The following RAI14 variants were observed in gnomAD, a reference collection of about 807,000 sequenced individuals.
RAI14 encodes the protein retinoic acid induced 14.
A neutral mutation model predicts 115.4 loss-of-function variants in RAI14; 45 were observed. The observed-to-expected ratio is 0.39, with a 90% CI of 0.31 to 0.50. RAI14 has a LOEUF of 0.50. Among genes scored for constraint, RAI14 ranks in the 20% least tolerant of loss-of-function variants. RAI14 has a pLI of 0.85. For synonymous variants in RAI14, 371 were observed against 415.4 expected (o/e 0.89, Z 1.30); for missense variants, 939 against 1,131.2 (o/e 0.83, Z 2.44).
At chr5:34,807,142 G>A (rs756413807) in intron 5 of RAI14, among the ~76,000 whole-genome samples, 1 of 152,154 alleles carries the variant, frequency 6.6e-6, no homozygotes, top group Non-Finnish European at 1.5e-5. Context: ...ATTTCAGGTT[G>A]TGGGTGTGGA....
At chr5:34,786,344 G>T (rs1225624548) in intron 3 of RAI14, among the ~76,000 whole-genome samples, 1 of 152,146 alleles carries the variant, frequency 6.6e-6, no homozygotes, top group Non-Finnish European at 1.5e-5. Flanking sequence ...CAGTCACTGG[G>T]GCAACTACTT....
chr5:34,808,435 C>G, intron 6 of RAI14, 149 bp from the exon 7 acceptor site: 2 of 729,100 alleles, frequency 2.7e-6, no homozygotes, highest in Non-Finnish European at 2.3e-6. Flanking sequence ...TCACTCCTAA[C>G]CTTCCTAATA....
At chr5:34,716,803 A>C (rs1742060227) in intron 2 of RAI14, 1 of 152,080 alleles carries the variant, frequency 6.6e-6, no homozygotes. Flanking sequence ...TTCTTCTTTG[A>C]GAGGAAAGGG....
intron 2 of RAI14, among the ~76,000 whole-genome samples, chr5:34,727,564 G>C (rs1743625760): frequency 6.6e-6 from 1 of 152,188 alleles, no homozygotes; most frequent in Non-Finnish European, 1.5e-5. Context: ...TCCTGGGCCA[G>C]GCCTGGGGCC....
At chr5:34,731,195 T>A (rs556527120) in intron 2 of RAI14, among the ~76,000 whole-genome samples, 10 of 152,324 alleles carry the variant, frequency 6.6e-5, no homozygotes, top group African/African-American at 2.2e-4. Context: ...TGTGGATTTT[T>A]ATCCCCCTTC....
Position 34,823,544 on chromosome 5 carries a change from G to A in RAI14, c.1702G>A (p.Val568Met). ...EKLVEREKGT[V>M]IKPPVEEYEE... ...ACTGGTAGAGAGGGAGAAAGGTACA[G>A]TGATTAAGCCACCTGTGGAAGAGTA... The change falls in exon 15 of 18, where the codon GTG (valine) becomes ATG (methionine). Residue 568 changes from valine to methionine, a missense_variant. Physicochemically the swap from Val to Met is conservative, Grantham distance 21. Coordinates refer to ENST00000265109, the MANE Select transcript of RAI14 (RefSeq NM_015577.3). The surrounding 1 kb of genome is among the most constrained non-coding windows in gnomAD (Gnocchi z 4.5). 6.2e-7 allele frequency: 1 copy of A among 1,614,194 alleles called. No individual in the cohort carries two copies. The highest frequency in any genetic ancestry group is 8.5e-7 in the Non-Finnish European group (1 of 1,180,036).
intron 1 of RAI14, chr5:34,686,376 T>A (rs1744877054): frequency 6.6e-6 from 1 of 151,878 alleles, no homozygotes; most frequent in Non-Finnish European, 1.5e-5. Context: ...GATGGGGAGA[T>A]GTTGGTCAAA....
At chr5:34,794,869 C>T (rs906942334) in intron 3 of RAI14, among the ~76,000 whole-genome samples, 1 of 152,130 alleles carries the variant, frequency 6.6e-6, no homozygotes, top group Admixed American at 6.5e-5. Context: ...CCCTGGATTT[C>T]AATGATAGAT....
chr5:34,667,929 C>A (rs1743338438), intron 1 of RAI14, among the ~76,000 whole-genome samples: 1 of 152,202 alleles, frequency 6.6e-6, no homozygotes, highest in Admixed American at 6.5e-5. Flanking sequence ...CATCTCCTCC[C>A]ATGAAAGCTG....
At chr5:34,796,561 A>C (rs1212109499) in intron 4 of RAI14, among the ~76,000 whole-genome samples, 1 of 152,084 alleles carries the variant, frequency 6.6e-6, no homozygotes, top group South Asian at 2.1e-4. Flanking sequence ...TATGCTTCTT[A>C]TCCTCATTTT....
chr5:34,661,125 G>A lies in RAI14; in HGVS notation c.-49+4650G>A, dbSNP rs114157897. Among the ~76,000 whole-genome samples the A allele has an allele frequency of 3.4e-3, 525 of 152,240 alleles. 4 individuals carry two copies. The highest frequency in any genetic ancestry group is 0.012 in the African/African-American group (492 of 41,550). Reference sequence around the variant, plus strand: ...GATTTTGGATATTTTTAAAATTTTTGGAGTATTTGTATTACATGGTTGAAC... The same window carrying A: ...GATTTTGGATATTTTTAAAATTTTTAGAGTATTTGTATTACATGGTTGAAC... On this transcript the variant is annotated intron_variant, in intron 1 of 17. Transcript: ENST00000265109.
At chr5:34,759,328 A>C (rs1181154040) in intron 3 of RAI14, among the ~76,000 whole-genome samples, 3 of 152,086 alleles carry the variant, frequency 2.0e-5, no homozygotes, top group Non-Finnish European at 4.4e-5. Flanking sequence ...GAAAAAGTCT[A>C]AGGGGTCCCC....
intron 2 of RAI14, chr5:34,687,532 T>C (rs2149886437): frequency 7.1e-7 from 1 of 1,405,616 alleles, no homozygotes; most frequent in Non-Finnish European, 9.3e-7. Context: ...GTCAGAGTTA[T>C]GAAATAAAGT....
At chr5:34,735,942 A>G (rs1744816887) in intron 2 of RAI14, among the ~76,000 whole-genome samples, 1 of 152,274 alleles carries the variant, frequency 6.6e-6, no homozygotes, top group Non-Finnish European at 1.5e-5. Flanking sequence ...AATACGTGAT[A>G]CAAGTGATCA....
intron 2 of RAI14, among the ~76,000 whole-genome samples, chr5:34,699,633 G>A (rs1739785345): frequency 6.6e-6 from 1 of 152,108 alleles, no homozygotes; most frequent in Admixed American, 6.5e-5. Flanking sequence ...TGAGACATTG[G>A]GGGTTAGGGC....
chr5:34,699,823 C>G (rs1317791299), intron 2 of RAI14, among the ~76,000 whole-genome samples: 1 of 152,140 alleles, frequency 6.6e-6, no homozygotes. Flanking sequence ...TTCCAGCCGG[C>G]CAAGTAAAGG....
chr5:34,801,808 C>T (rs969394275), intron 4 of RAI14, among the ~76,000 whole-genome samples: 5 of 152,042 alleles, frequency 3.3e-5, no homozygotes, highest in African/African-American at 4.8e-5. Context: ...TGGTGGCTCA[C>T]GCCTGTAATC....
intron 2 of RAI14, among the ~76,000 whole-genome samples, chr5:34,705,938 C>T (rs894331332): frequency 2.0e-5 from 3 of 152,212 alleles, no homozygotes; most frequent in South Asian, 2.1e-4. Flanking sequence ...TGCGCCACCA[C>T]GCCCAGCCCA....
rs552098668 is a variant in RAI14 at position 34,696,284 on chromosome 5, C to G, written c.36+9329C>G. On this transcript the variant is annotated intron_variant, in intron 2 of 17. Coordinates refer to ENST00000265109, the MANE Select transcript of RAI14 (RefSeq NM_015577.3). The stretch of plus-strand genomic sequence containing the variant: ...CTCTGAGTAGCTGGGACTACAGGTG[C>G]CTGCCACCACGCCTGGCTCATTTTT... 2.7e-3 allele frequency among the ~76,000 whole-genome samples: 409 copies of G among 152,178 alleles called. 4 individuals carry two copies. Among genetic ancestry groups the G allele is most frequent in the African/African-American group, 9.6e-3 (400 of 41,524 alleles).
Sources: allele counts gnomAD v4.1 joint callset (sites outside exome capture counted in the v4.1 genomes callset), GRCh38; gene constraint gnomAD v4.1.1; non-coding constraint Gnocchi (gnomAD v3.1); transcripts MANE v1.5; gene names NCBI Gene and HGNC (gene_info 2026-07-23, HGNC 2026-07-21).